Variants in SLIT3 observed in about 807,000 individuals in gnomAD.
The protein encoded by SLIT3 is slit guidance ligand 3.
In SLIT3, 68 loss-of-function variants were observed where a neutral mutation model predicts 184.0. The ratio of observed to expected loss-of-function variants is 0.37; its 90% CI spans 0.30 to 0.45. The LOEUF (loss-of-function observed/expected upper bound fraction) is 0.45. Among genes scored for constraint, SLIT3 ranks in the 20% least tolerant of loss-of-function variants. The pLI is 1.00. For synonymous variants in SLIT3, 831 were observed against 828.6 expected, an observed-to-expected ratio of 1.00 and a Z score of -0.05; for missense variants, 1,707 against 2,026.0, an observed-to-expected ratio of 0.84 and a Z score of 3.02.
At chr5:168,988,479 T>C (rs1755208947) in intron 4 of SLIT3, among the ~76,000 whole-genome samples, 1 of 152,124 alleles carries the variant, frequency 6.6e-6, no homozygotes, top group Non-Finnish European at 1.5e-5. Flanking sequence ...TCCTTGAGTC[T>C]AACTCTCAGC....
intron 4 of SLIT3, among the ~76,000 whole-genome samples, chr5:169,086,581 C>A (rs1224687348): frequency 6.6e-6 from 1 of 152,152 alleles, no homozygotes; most frequent in Non-Finnish European, 1.5e-5. Context: ...TCCTTGACTT[C>A]ACTACAGCAA....
At chr5:168,680,133 C>T (rs1385275200) in intron 32 of SLIT3, among the ~76,000 whole-genome samples, 3 of 152,228 alleles carry the variant, frequency 2.0e-5, no homozygotes, top group Non-Finnish European at 4.4e-5. Flanking sequence ...GGGGCTCCAC[C>T]CTTTAGGCTA....
chr5:168,683,583 T>G (rs1404050782), intron 32 of SLIT3, among the ~76,000 whole-genome samples: 2 of 152,084 alleles, frequency 1.3e-5, no homozygotes, highest in Admixed American at 1.3e-4. Context: ...TCCCCTTGAG[T>G]TGCATGCTAA....
chr5:168,682,006 A>G (rs1761606309), intron 32 of SLIT3, among the ~76,000 whole-genome samples: 1 of 152,178 alleles, frequency 6.6e-6, no homozygotes, highest in African/African-American at 2.4e-5. Context: ...TCACATCTGG[A>G]TTTATGTGAT....
At chr5:168,830,339 G>T (rs1014706707) in intron 6 of SLIT3, among the ~76,000 whole-genome samples, 16 of 152,132 alleles carry the variant, frequency 1.1e-4, no homozygotes, top group African/African-American at 3.9e-4. Context: ...TCTCCAGGTT[G>T]AACTTGCCCT....
chr5:169,186,696 G>A (rs1319003881), intron 4 of SLIT3, among the ~76,000 whole-genome samples: 1 of 152,152 alleles, frequency 6.6e-6, no homozygotes, highest in African/African-American at 2.4e-5. Flanking sequence ...GTGTGGGCTT[G>A]GAGCATGTAT....
At chr5:169,265,645 C>A (rs1405733926) in intron 1 of SLIT3, among the ~76,000 whole-genome samples, 1 of 152,176 alleles carries the variant, frequency 6.6e-6, no homozygotes, top group Non-Finnish European at 1.5e-5. Flanking sequence ...CATCCCTAAG[C>A]TTCTGTTTCT....
chr5:169,187,563 T>G (rs1165098408), intron 4 of SLIT3, among the ~76,000 whole-genome samples: 5 of 150,390 alleles, frequency 3.3e-5, no homozygotes, highest in Non-Finnish European at 7.4e-5. Context: ...TTCTTTCTTT[T>G]TTTTTTTTTT....
chr5:169,174,283 C>T (rs945639824), intron 4 of SLIT3, among the ~76,000 whole-genome samples: 4 of 152,104 alleles, frequency 2.6e-5, no homozygotes, highest in Admixed American at 6.5e-5. Context: ...CCTGAGAGTC[C>T]TAAAAAAACC....
chr5:168,680,355 T>C (rs959217891), intron 32 of SLIT3, among the ~76,000 whole-genome samples: 1 of 152,254 alleles, frequency 6.6e-6, no homozygotes, highest in African/African-American at 2.4e-5. Flanking sequence ...AGAATCTTCA[T>C]GTGCCCTCAT....
intron 4 of SLIT3, among the ~76,000 whole-genome samples, chr5:169,143,803 A>C (rs1048916620): frequency 3.9e-5 from 6 of 152,190 alleles, no homozygotes; most frequent in African/African-American, 9.7e-5. Context: ...ACGAAAAAAA[A>C]CAACAAAAAC....
At chr5:168,872,677 C>T (rs538952431) in intron 5 of SLIT3, among the ~76,000 whole-genome samples, 8 of 129,096 alleles carry the variant, frequency 6.2e-5, no homozygotes, top group South Asian at 2.5e-4. Context: ...CTCACTCTGT[C>T]GCTCAGGCTA....
intron 4 of SLIT3, among the ~76,000 whole-genome samples, chr5:168,922,185 C>T (rs752314181): frequency 1.3e-5 from 2 of 151,834 alleles, no homozygotes; most frequent in Non-Finnish European, 2.9e-5. Context: ...AGGCCAGGTG[C>T]GGTGGCTCAC....
At chr5:169,085,241 T>C (rs1759244032) in intron 4 of SLIT3, among the ~76,000 whole-genome samples, 1 of 152,174 alleles carries the variant, frequency 6.6e-6, no homozygotes, top group African/African-American at 2.4e-5. Context: ...TGGAAACACA[T>C]GTGGCTTATT....
intron 4 of SLIT3, among the ~76,000 whole-genome samples, chr5:168,939,087 G>C (rs1398962819): frequency 6.6e-6 from 1 of 152,166 alleles, no homozygotes; most frequent in Non-Finnish European, 1.5e-5. Flanking sequence ...AGGAATGGGC[G>C]CCTTGGGAGA....
Position 169,027,631 on chromosome 5 carries a change from C to T in SLIT3, c.414-144295G>A, listed in dbSNP as rs533888846. 2.8e-4 allele frequency among the ~76,000 whole-genome samples: 42 copies of T among 152,324 alleles called. 2 individuals are homozygous for T. In the South Asian group the frequency reaches 8.3e-3, roughly 30 times the overall value. On this transcript the variant is annotated intron_variant, in intron 4 of 35. Coordinates refer to ENST00000519560, the MANE Select transcript of SLIT3 (RefSeq NM_003062.4). ...GTGACCCATATGCCACTTTATTCCTCCTTCCCCCTCCTGAATGTAATAAGC... is the reference window on the plus strand; with the variant it reads ...GTGACCCATATGCCACTTTATTCCTTCTTCCCCCTCCTGAATGTAATAAGC...
intron 3 of SLIT3, among the ~76,000 whole-genome samples, chr5:169,222,396 A>T (rs1328228465): frequency 6.6e-6 from 1 of 152,176 alleles, no homozygotes; most frequent in East Asian, 1.9e-4. Context: ...AATAGACTCC[A>T]TTGTGTCTTT....
At chr5:169,172,200 T>A (rs1442951409) in intron 4 of SLIT3, among the ~76,000 whole-genome samples, 2 of 152,200 alleles carry the variant, frequency 1.3e-5, no homozygotes, top group Non-Finnish European at 1.5e-5. Flanking sequence ...ACCACAGAAT[T>A]GCCAACCTGC....
chr5:168,700,804 T>G, intron 26 of SLIT3, 125 bp from the exon 27 acceptor site: 1 of 697,090 alleles, frequency 1.4e-6, no homozygotes, highest in Non-Finnish European at 2.6e-6. Flanking sequence ...AAGGAGCCCC[T>G]AGGAAAGGCC....
Sources: gnomAD v4.1 joint callset for allele counts (sites outside exome capture counted in the v4.1 genomes callset) on GRCh38, gnomAD v4.1.1 for gene constraint, MANE v1.5 for transcripts, NCBI Gene and HGNC (gene_info 2026-07-23, HGNC 2026-07-21) for gene names.